The following EFCAB5 variants were observed in gnomAD, a reference collection of about 807,000 sequenced individuals.
EFCAB5 encodes EF-hand calcium binding domain 5, also known as EF-hand calcium-binding domain-containing protein 5.
A neutral mutation model predicts 167.9 loss-of-function variants in EFCAB5; 131 were observed. That is an observed-to-expected ratio of 0.78 (90% CI 0.68 to 0.90). The LOEUF (loss-of-function observed/expected upper bound fraction) is 0.90. Among genes scored for constraint, EFCAB5 ranks in the 40% least tolerant of loss-of-function variants. The pLI is 0.00. For synonymous variants in EFCAB5, 574 were observed against 602.8 expected (o/e 0.95, Z 0.70); for missense variants, 1,663 against 1,745.2 (o/e 0.95, Z 0.84).
chr17:29,941,340 C>G (rs62070271), upstream of EFCAB5, among the ~76,000 whole-genome samples: 74,631 of 151,886 alleles, frequency 0.49, 18,702 homozygotes, highest in East Asian at 0.69. Flanking sequence ...ATTCTCCCTT[C>G]CCAAAAAAAT....
At chr17:29,930,319 A>G (rs2151500452) in intron 1 of EFCAB5, 1 of 385,824 alleles carries the variant, frequency 2.6e-6, no homozygotes, top group East Asian at 4.9e-5. Flanking sequence ...GAGTTGCCGG[A>G]AGCTGGCCGA....
At chr17:29,937,265 C>A (rs1215732996), upstream of EFCAB5, among the ~76,000 whole-genome samples, 3 of 152,072 alleles carry the variant, frequency 2.0e-5, no homozygotes, top group Non-Finnish European at 4.4e-5. Context: ...CGGCTCACTG[C>A]AACCTCCGCC....
chr17:30,072,253 CTG>C (rs2070756468), intron 14 of EFCAB5, among the ~76,000 whole-genome samples: 1 of 152,112 alleles, frequency 6.6e-6, no homozygotes, highest in South Asian at 2.1e-4. Flanking sequence ...AAATAACACT[CTG>C]TACCCCATAA....
chr17:30,026,955 T>C (rs1369864289), intron 7 of EFCAB5, among the ~76,000 whole-genome samples: 1 of 138,248 alleles, frequency 7.2e-6, no homozygotes, highest in East Asian at 2.2e-4. Flanking sequence ...TTGTACCTCC[T>C]TGTACCTTTT....
At chr17:30,052,154 C>A (rs943613748) in intron 9 of EFCAB5, among the ~76,000 whole-genome samples, 1 of 151,724 alleles carries the variant, frequency 6.6e-6, no homozygotes, top group African/African-American at 2.4e-5. Flanking sequence ...ATTGTACTGG[C>A]TGAGTTTCCC....
At chr17:30,043,048 G>A (rs980580959) in intron 8 of EFCAB5, among the ~76,000 whole-genome samples, 1 of 152,112 alleles carries the variant, frequency 6.6e-6, no homozygotes. Context: ...AGGAGATTGA[G>A]GTAAGAGGAG....
chr17:30,035,895 C>T (rs1445208476), intron 8 of EFCAB5, among the ~76,000 whole-genome samples: 1 of 151,524 alleles, frequency 6.6e-6, no homozygotes, highest in Admixed American at 6.6e-5. Flanking sequence ...ATTTTAACCC[C>T]TTCAGAGGAA....
In EFCAB5 at chr17:29,966,085, C is replaced by T. The variant is rs1277439021; in HGVS notation, c.191-2706C>T. Among the ~76,000 whole-genome samples the T allele has an allele frequency of 6.6e-5, 10 of 151,708 alleles. No individual in the cohort carries two copies. In the East Asian group the frequency reaches 1.2e-3, roughly 18 times the overall value. On this transcript the variant is annotated intron_variant, in intron 3 of 22. Transcript: ENST00000394835. ...TAAATACATATATCATAATATTTAC[C>T]ATTTAAACTGTGTTAAAGTGTACAA...
chr17:30,092,702 A>T, intron 21 of EFCAB5, 138 bp from the exon 22 acceptor site: 1 of 538,298 alleles, frequency 1.9e-6, no homozygotes, highest in Non-Finnish European at 3.2e-6. Context: ...GGTAACCATC[A>T]TCTTCACTTC....
chr17:30,053,655 AAC>A lies in EFCAB5; in HGVS notation c.1707_1708del (p.His569GlnfsTer108). On this transcript the variant is annotated frameshift_variant, in exon 10 of 23. Transcript: ENST00000394835. LOFTEE classifies it high-confidence loss of function. ...SSRRLLTEQE[T>X]HRESTTEQGQ... is the part of the protein sequence containing the mutation. The stretch of plus-strand genomic sequence containing the variant: ...GTAGAAGGTTACTGACAGAACAAGA[AAC>A]ACACAGAGAGTCAACTACAGAACAA... 1.2e-6 allele frequency: 2 copies of A among 1,613,934 alleles called. No homozygotes were observed. Among genetic ancestry groups the A allele is most frequent in the Non-Finnish European group, 1.7e-6 (2 of 1,179,828 alleles).
chr17:29,984,164 G>A (rs1388361787), intron 4 of EFCAB5, among the ~76,000 whole-genome samples: 1 of 151,762 alleles, frequency 6.6e-6, no homozygotes, highest in Non-Finnish European at 1.5e-5. Context: ...ATGCAAAAGA[G>A]CTGGGTGAAA....
In EFCAB5 at chr17:29,955,249, G is replaced by A. The variant is rs148398008; in HGVS notation, c.190+11600G>A. 6.8e-3 allele frequency among the ~76,000 whole-genome samples: 1,033 copies of A among 152,210 alleles called. 8 individuals carry two copies. Among genetic ancestry groups the A allele is most frequent in the African/African-American group, 0.021 (873 of 41,518 alleles). ...GGGAGGGGCCGGGGCAGAATGATAT[G>A]GTTTGGCTGTGTCCCTACCCAAATC... On this transcript the variant is annotated intron_variant, in intron 3 of 22. Coordinates refer to ENST00000394835, the MANE Select transcript of EFCAB5 (RefSeq NM_198529.4).
intron 4 of EFCAB5, among the ~76,000 whole-genome samples, chr17:29,984,560 A>T (rs1243100452): frequency 6.6e-6 from 1 of 152,178 alleles, no homozygotes; most frequent in East Asian, 1.9e-4. Context: ...TCTACTAAAA[A>T]TATAAAAAAT....
chr17:30,011,563 A>G (rs2068902724), intron 7 of EFCAB5, among the ~76,000 whole-genome samples: 1 of 152,110 alleles, frequency 6.6e-6, no homozygotes, highest in Non-Finnish European at 1.5e-5. Context: ...TTCTCTTTGT[A>G]GCAATTGTGA....
intron 4 of EFCAB5, among the ~76,000 whole-genome samples, chr17:29,989,324 T>C (rs1389739071): frequency 6.6e-6 from 1 of 152,202 alleles, no homozygotes; most frequent in Non-Finnish European, 1.5e-5. Flanking sequence ...ATCATCCATA[T>C]AATGAATAAT....
At chr17:30,018,192 T>C (rs1310519740) in intron 7 of EFCAB5, among the ~76,000 whole-genome samples, 3 of 151,988 alleles carry the variant, frequency 2.0e-5, no homozygotes, top group Non-Finnish European at 4.4e-5. Flanking sequence ...CTGATGTCAG[T>C]GTTTTTTTTT....
intron 3 of EFCAB5, among the ~76,000 whole-genome samples, chr17:29,956,843 G>A (rs1567677242): frequency 6.6e-6 from 1 of 152,048 alleles, no homozygotes; most frequent in Non-Finnish European, 1.5e-5. Flanking sequence ...GAGGGAGAGA[G>A]AGAAAGAAAG....
Position 30,092,832 on chromosome 17 carries a change from G to A in EFCAB5, c.4225-8G>A. 1 of 1,602,086 alleles carries A rather than the reference G, an allele frequency of 6.2e-7. No homozygotes were observed. The highest frequency in any genetic ancestry group is 8.5e-7 in the Non-Finnish European group (1 of 1,173,876). On this transcript the variant is annotated splice_region_variant and splice_polypyrimidine_tract_variant and intron_variant, in intron 21 of 22. Transcript: ENST00000394835. ...TCCCATAAATTTTCTCTTGTTGTTT[G>A]TTCACAGTATGTTAACAAATATTTA...
chr17:30,056,503 C>A (rs917413455), intron 12 of EFCAB5, among the ~76,000 whole-genome samples: 1 of 152,120 alleles, frequency 6.6e-6, no homozygotes, highest in South Asian at 2.1e-4. Context: ...CAATAGAAAT[C>A]ATTTCAGCTA....
Sources: gnomAD v4.1 joint callset for allele counts (sites outside exome capture counted in the v4.1 genomes callset) on GRCh38, gnomAD v4.1.1 for gene constraint, MANE v1.5 for transcripts, NCBI Gene and HGNC (gene_info 2026-07-23, HGNC 2026-07-21) for gene names.